Variants in ANKIB1 observed in about 807,000 individuals in gnomAD.
The protein encoded by ANKIB1 is ankyrin repeat and IBR domain-containing protein 1.
In ANKIB1, 43 loss-of-function variants were observed where a neutral mutation model predicts 122.1. The ratio of observed to expected loss-of-function variants is 0.35; its 90% confidence interval spans 0.28 to 0.45. ANKIB1 has a LOEUF of 0.45. ANKIB1 is among the 20% of genes least tolerant of loss of function. The pLI, the probability that ANKIB1 is intolerant of heterozygous loss-of-function variation, is 1.00. For missense variants in ANKIB1, 992 were observed against 1,329.5 expected (o/e 0.75, Z 3.95); for synonymous variants, 390 against 442.0 (o/e 0.88, Z 1.48).
intron 11 of ANKIB1, among the ~76,000 whole-genome samples, chr7:92,374,504 G>T (rs1804340799): frequency 6.6e-6 from 1 of 151,964 alleles, no homozygotes; most frequent in Non-Finnish European, 1.5e-5. Flanking sequence ...GAAATTAATA[G>T]TAAAGTTACA....
intron 10 of ANKIB1, among the ~76,000 whole-genome samples, chr7:92,367,846 A>T (rs983341100): frequency 6.6e-6 from 1 of 152,188 alleles, no homozygotes; most frequent in African/African-American, 2.4e-5. Flanking sequence ...ACTGAGTTCA[A>T]ATTGTATTAT....
At position 92,246,473 on chromosome 7, in the gene ANKIB1, G is replaced by T; in HGVS notation, c.-137G>T. ...GCAGGGGCGGCGGAGGCGGAACTGC[G>T]GAGTTGCTGGGTCCACCGACCCTTA... On this transcript the variant is annotated 5_prime_UTR_variant, in exon 1 of 20. Coordinates refer to ENST00000265742, the MANE Select transcript of ANKIB1 (RefSeq NM_019004.2). 1.9e-6 allele frequency: 1 copy of T among 518,304 alleles called. No homozygotes were observed. Among genetic ancestry groups the T allele is most frequent in the Non-Finnish European group, 3.8e-6 (1 of 259,774 alleles). The allele number at this position is 518,304 out of a possible 1,614,324, so 32.1% of individuals were successfully genotyped here.
Position 92,280,438 on chromosome 7 carries a change from C to T in ANKIB1, c.-90-14451C>T, listed in dbSNP as rs1022718251. 6.1e-5 allele frequency among the ~76,000 whole-genome samples: 9 copies of T among 148,430 alleles called. No homozygotes were observed. In the East Asian group the frequency reaches 1.5e-3, roughly 24 times the overall value. On this transcript the variant is annotated intron_variant, in intron 1 of 19. Transcript: ENST00000265742. Reference sequence around the variant, plus strand: ...TGTAGCAGCAGCTAGGCTTAAGAAACGTTTGGAGGGCACCCCCCCCCCCTT... The same window carrying T: ...TGTAGCAGCAGCTAGGCTTAAGAAATGTTTGGAGGGCACCCCCCCCCCCTT...
intron 4 of ANKIB1, among the ~76,000 whole-genome samples, chr7:92,321,860 A>G (rs1408176374): frequency 2.6e-5 from 4 of 152,220 alleles, no homozygotes; most frequent in African/African-American, 9.6e-5. Context: ...ATTCAGATTA[A>G]GTACACATAG....
At position 92,246,090 on chromosome 7, in the gene ANKIB1, T is replaced by G. The variant is rs1800954898; in HGVS notation, c.-520T>G. 2 of 282,210 alleles carry G rather than the reference T, an allele frequency of 7.1e-6. No homozygotes were observed. The highest frequency in any genetic ancestry group is 1.4e-5 in the Non-Finnish European group (2 of 146,850). 17.5% of individuals were successfully genotyped at this position (282,210 alleles called of 1,614,324 possible). ...TGGTGGCGGTGGGGGTGCCAGCGGC[T>G]GAGCCGGAGCCGGAGCCGGAGGCGG... On this transcript the variant is annotated 5_prime_UTR_variant, in exon 1 of 20. Transcript: ENST00000265742.
intron 11 of ANKIB1, among the ~76,000 whole-genome samples, chr7:92,380,971 G>C (rs1335194536): frequency 1.3e-5 from 2 of 152,184 alleles, no homozygotes; most frequent in East Asian, 3.8e-4. Context: ...GCTGAAGGAG[G>C]AAGTTCGAAC....
intron 9 of ANKIB1, among the ~76,000 whole-genome samples, chr7:92,357,819 C>T (rs944038848): frequency 2.6e-5 from 4 of 151,952 alleles, no homozygotes; most frequent in African/African-American, 9.7e-5. Flanking sequence ...TCAAAATAAC[C>T]TCTCTTCCCT....
At chr7:92,252,514 G>A (rs1430338200) in intron 1 of ANKIB1, among the ~76,000 whole-genome samples, 5 of 151,360 alleles carry the variant, frequency 3.3e-5, no homozygotes, top group African/African-American at 1.2e-4. Context: ...AGCCTCCCGA[G>A]TAGCTGAGAT....
chr7:92,336,931 A>G (rs1028951540), intron 5 of ANKIB1, among the ~76,000 whole-genome samples: 8 of 152,108 alleles, frequency 5.3e-5, no homozygotes, highest in African/African-American at 1.7e-4. Flanking sequence ...GATAGTAGCT[A>G]CTTTACCTTT....
chr7:92,385,008 G>A (rs1361252279), intron 11 of ANKIB1, among the ~76,000 whole-genome samples: 1 of 152,106 alleles, frequency 6.6e-6, no homozygotes, highest in African/African-American at 2.4e-5. Context: ...CTAGTATCTA[G>A]AACCTACAAA....
At chr7:92,313,864 C>A (rs552612373) in intron 3 of ANKIB1, among the ~76,000 whole-genome samples, 1 of 152,198 alleles carries the variant, frequency 6.6e-6, no homozygotes, top group East Asian at 1.9e-4. Context: ...TGTTCTAGGT[C>A]TCAGACATAC....
chr7:92,311,040 A>G (rs1053632096), intron 3 of ANKIB1, among the ~76,000 whole-genome samples: 2 of 152,218 alleles, frequency 1.3e-5, no homozygotes, highest in Non-Finnish European at 2.9e-5. Context: ...TTACTGTCAT[A>G]GTTAATTTAA....
At position 92,400,659 on chromosome 7, in the gene ANKIB1, A is replaced by T. The variant is rs761223888; in HGVS notation, c.*1710A>T. On this transcript the variant is annotated 3_prime_UTR_variant, in exon 20 of 20. Transcript: ENST00000265742. The stretch of plus-strand genomic sequence containing the variant: ...TCATATTGCTAAGACACTGTATTAG[A>T]ATATTTAATATTCCCCAGATCCTCT... The T allele has an allele frequency of 1.3e-5, 2 of 152,152 alleles. No homozygotes were observed. The highest frequency in any genetic ancestry group is 2.9e-5 in the Non-Finnish European group (2 of 68,028). The allele number at this position is 152,152 out of a possible 1,614,324, so 9.4% of individuals were successfully genotyped here. A position where few individuals can be genotyped will look rare whatever the true frequency, so the allele number is the denominator to read the frequency against.
At chr7:92,349,058 G>C (rs1803602817) in intron 7 of ANKIB1, among the ~76,000 whole-genome samples, 1 of 152,180 alleles carries the variant, frequency 6.6e-6, no homozygotes, top group Non-Finnish European at 1.5e-5. Context: ...GAAAATGGAA[G>C]AGAGTCATGT....
In ANKIB1 at chr7:92,382,313, A is replaced by G. The variant is rs191373322; in HGVS notation, c.1618-4196A>G. Among the ~76,000 whole-genome samples, 20 of 152,336 alleles carry G rather than the reference A, an allele frequency of 1.3e-4. 1 individual carries two copies. Among genetic ancestry groups the G allele is most frequent in the African/African-American group, 4.8e-4 (20 of 41,572 alleles). On this transcript the variant is annotated intron_variant, in intron 11 of 19. Coordinates refer to ENST00000265742, the MANE Select transcript of ANKIB1 (RefSeq NM_019004.2). The stretch of plus-strand genomic sequence containing the variant: ...TGGGAGACTTTAACACCCCACTGTC[A>G]ATATTAGACAGATAAACGAGACAGA...
chr7:92,279,929 C>T (rs142759969), intron 1 of ANKIB1, among the ~76,000 whole-genome samples: 9 of 152,204 alleles, frequency 5.9e-5, no homozygotes, highest in East Asian at 1.9e-4. Context: ...TCAGCCTCTA[C>T]GGGTCAGAAT....
chr7:92,335,105 G>C (rs1803258338), intron 5 of ANKIB1, among the ~76,000 whole-genome samples: 1 of 151,560 alleles, frequency 6.6e-6, no homozygotes, highest in Admixed American at 6.6e-5. Flanking sequence ...GAGGCCAAAA[G>C]TTTGTATGTT....
chr7:92,398,393 G>T lies in ANKIB1; in HGVS notation c.2714G>T (p.Ser905Ile). 6.2e-7 allele frequency: 1 copy of T among 1,613,338 alleles called. No individual in the cohort carries two copies. Among genetic ancestry groups the T allele is most frequent in the Non-Finnish European group, 8.5e-7 (1 of 1,179,596 alleles). Residue 905 changes from serine (S) to isoleucine (I), a missense_variant, in exon 20 of 20, where the codon AGC becomes ATC. Ser to Ile is a moderately radical substitution (Grantham distance 142). Coordinates refer to ENST00000265742, the MANE Select transcript of ANKIB1 (RefSeq NM_019004.2). ...RLDSVPRNTD[S>I]PRAALSSSEL... Reference sequence around the variant, plus strand: ...GACTCTGTCCCCAGAAATACAGATAGCCCTCGGGCTGCATTGAGCAGCTCT... The same window carrying T: ...GACTCTGTCCCCAGAAATACAGATATCCCTCGGGCTGCATTGAGCAGCTCT...
At chr7:92,330,341 A>AAT (rs2131960958) in intron 5 of ANKIB1, among the ~76,000 whole-genome samples, 1 of 152,286 alleles carries the variant, frequency 6.6e-6, no homozygotes, top group South Asian at 2.1e-4. Context: ...CGTAATACCT[A>AAT]ATATATATTA....
Sources: allele counts gnomAD v4.1 joint callset (sites outside exome capture counted in the v4.1 genomes callset), GRCh38; gene constraint gnomAD v4.1.1; transcripts MANE v1.5; gene names NCBI Gene and HGNC (gene_info 2026-07-23, HGNC 2026-07-21).